The following PANX2 variants were observed in gnomAD, a reference collection of about 807,000 sequenced individuals.
PANX2 encodes the protein pannexin-2.
PANX2 carries 30 observed loss-of-function variants against 38.7 expected under a neutral mutation model. The ratio of observed to expected loss-of-function variants is 0.78; its 90% CI spans 0.58 to 1.05. The LOEUF (loss-of-function observed/expected upper bound fraction) is 1.05. Ranked by LOEUF, PANX2 falls within the 50% of genes least tolerant of loss-of-function variation. The pLI is 0.00. For missense variants in PANX2, 880 were observed against 979.3 expected, an observed-to-expected ratio of 0.90 and a Z score of 1.35; for synonymous variants, 539 against 472.1, an observed-to-expected ratio of 1.14 and a Z score of -1.84.
rs1375867827 is a variant in PANX2, at chr22:50,170,769, C to T, written c.39C>T (p.Thr13=). 2 of 1,366,054 alleles carry T rather than the reference C, an allele frequency of 1.5e-6. No homozygotes were observed. The highest frequency in any genetic ancestry group is 3.0e-5 in the Admixed American group (1 of 33,062). 84.6% of individuals were successfully genotyped at this position (1,366,054 alleles called of 1,614,324 possible). Residue 13 remains threonine (T), a synonymous_variant, in exon 1 of 3, where the codon ACC becomes ACT. Coordinates refer to ENST00000395842, the MANE Select transcript of PANX2 (RefSeq NM_052839.4). ...TGGAGCAGTCGGCGGACATGGCGAC[C>T]GCGCTGCTGGCGGGAGAGAAGCTGC... The part of the protein sequence containing the change: ...HLLEQSADMA[T]ALLAGEKLRE...
Position 50,178,134 on chromosome 22 carries a change from G to C in PANX2, c.1422G>C (p.Ala474=), listed in dbSNP as rs2063673906. The C allele has an allele frequency of 6.5e-7, 1 of 1,531,226 alleles. No homozygotes were observed. Among genetic ancestry groups the C allele is most frequent in the African/African-American group, 1.4e-5 (1 of 72,048 alleles). 94.9% of individuals were successfully genotyped at this position (1,531,226 alleles called of 1,614,324 possible). Residue 474 remains alanine, a synonymous_variant, in exon 2 of 3, where the codon GCG becomes GCC. Coordinates refer to ENST00000395842, the MANE Select transcript of PANX2 (RefSeq NM_052839.4). The stretch of plus-strand genomic sequence containing the variant: ...AGACGGCCACGGACACGCTGATCGC[G>C]CCGCTGCTGGACCGCTCCGCCCACC... ...RRKTATDTLI[A]PLLDRSAHHY... is the part of the protein sequence containing the mutation.
At chr22:50,176,207 T>C (rs2063660380) in intron 1 of PANX2, among the ~76,000 whole-genome samples, 1 of 152,266 alleles carries the variant, frequency 6.6e-6, no homozygotes. Flanking sequence ...CGTGTCATTG[T>C]CACCTGCAGG....
At chr22:50,172,759 C>T (rs1434886750) in intron 1 of PANX2, among the ~76,000 whole-genome samples, 6 of 147,454 alleles carry the variant, frequency 4.1e-5, no homozygotes, top group Non-Finnish European at 7.5e-5. Flanking sequence ...GACAAAGTCT[C>T]GCTCTGTCAC....
chr22:50,172,347 C>T (rs2147057708), intron 1 of PANX2, among the ~76,000 whole-genome samples: 1 of 152,394 alleles, frequency 6.6e-6, no homozygotes, highest in East Asian at 1.9e-4. Context: ...GTGCTGCCGG[C>T]AATCCTTGGG....
chr22:50,178,025 C>G lies in PANX2; in HGVS notation c.1313C>G (p.Pro438Arg), dbSNP rs866061303. The G allele has an allele frequency of 6.5e-7, 1 of 1,548,092 alleles. No individual in the cohort carries two copies. Residue 438 changes from proline (P) to arginine (R), a missense_variant, in exon 2 of 3, where the codon CCG becomes CGG. By Grantham distance (103) the Pro-to-Arg change is moderately radical. This residue lies in a region of PANX2 where 445 missense variants were observed against 404.3 expected (regional missense o/e 1.10). Coordinates refer to ENST00000395842, the MANE Select transcript of PANX2 (RefSeq NM_052839.4). ...KKMKWIPTSN[P>R]LPQPFKEPLA... ...ATGAAGTGGATCCCCACCAGCAACC[C>G]GCTTCCGCAGCCCTTCAAGGAGCCG...
At position 50,179,333 on chromosome 22, in the gene PANX2, C is replaced by G; in HGVS notation, c.*56C>G. The G allele has an allele frequency of 4.0e-6, 6 of 1,492,826 alleles. No individual in the cohort carries two copies. The highest frequency in any genetic ancestry group is 5.5e-6 in the Non-Finnish European group (6 of 1,086,472). 92.5% of individuals were successfully genotyped at this position (1,492,826 alleles called of 1,614,324 possible). A position where few individuals can be genotyped will look rare whatever the true frequency, so the allele number is the denominator to read the frequency against. Reference sequence around the variant, plus strand: ...CCTCTGCCTGTGTCGTGTGGCCTGGCCAGCCTCCCGGTGGACACCAGCCCT... The same window carrying G: ...CCTCTGCCTGTGTCGTGTGGCCTGGGCAGCCTCCCGGTGGACACCAGCCCT... On this transcript the variant is annotated 3_prime_UTR_variant, in exon 3 of 3. Coordinates refer to ENST00000395842, the MANE Select transcript of PANX2 (RefSeq NM_052839.4).
In PANX2 at chr22:50,178,186, G is replaced by A. The variant is rs764865743; in HGVS notation, c.1474G>A (p.Gly492Ser). 47 of 1,477,542 alleles carry A rather than the reference G, an allele frequency of 3.2e-5. No individual in the cohort carries two copies. The Admixed American group carries it at 5.0e-4, about 16-fold the overall frequency. 91.5% of individuals were successfully genotyped at this position (1,477,542 alleles called of 1,614,324 possible). ...CTACAAGGGCGGAGGGGGCGACCCG[G>A]GCCCCGGCCCCGCCCCTGCCCCCGC... ...HHYKGGGGDP[G>S]PGPAPAPAPP... The change falls in exon 2 of 3, where the codon GGC becomes AGC. Residue 492 changes from glycine (G) to serine (S), a missense_variant. This residue lies in a region of PANX2 where 445 missense variants were observed against 404.3 expected (regional missense o/e 1.10). Transcript: ENST00000395842.
chr22:50,173,338 T>C (rs2063644908), intron 1 of PANX2, among the ~76,000 whole-genome samples: 1 of 152,248 alleles, frequency 6.6e-6, no homozygotes, highest in Non-Finnish European at 1.5e-5. Flanking sequence ...CGGCCCAACT[T>C]TCTTCTTTAA....
At chr22:50,172,264 A>C (rs947354832) in intron 1 of PANX2, among the ~76,000 whole-genome samples, 1 of 152,168 alleles carries the variant, frequency 6.6e-6, no homozygotes, top group Non-Finnish European at 1.5e-5. Flanking sequence ...AAAGTCCAAA[A>C]TCGAGGTGTC....
chr22:50,176,425 G>A (rs979362684), intron 1 of PANX2, among the ~76,000 whole-genome samples: 3 of 152,188 alleles, frequency 2.0e-5, no homozygotes, highest in African/African-American at 7.2e-5. Flanking sequence ...CCTCAAGGGT[G>A]GGCAGAGCCC....
chr22:50,175,828 T>C (rs1053314657), intron 1 of PANX2, among the ~76,000 whole-genome samples: 2 of 152,232 alleles, frequency 1.3e-5, no homozygotes, highest in Non-Finnish European at 2.9e-5. Flanking sequence ...CCTGGGCCCC[T>C]GTGGGGCATC....
intron 1 of PANX2, 137 bp downstream of exon 1, chr22:50,171,093 G>C (rs996416686): frequency 1.6e-5 from 6 of 386,376 alleles, no homozygotes; most frequent in East Asian, 8.4e-5. Context: ...GGCGTCCCAG[G>C]CACCTTCCAC....
intron 1 of PANX2, among the ~76,000 whole-genome samples, chr22:50,174,376 C>T (rs1355966191): frequency 1.3e-5 from 2 of 152,018 alleles, no homozygotes; most frequent in Non-Finnish European, 2.9e-5. Context: ...GCTTTAGCCT[C>T]GGGTCCTGGG....
chr22:50,170,740 C>G lies in PANX2; in HGVS notation c.10C>G (p.Leu4Val), dbSNP rs1159613543. MHH[L>V]LEQSADMATA... ...GCGCCCCCCGCCCCCCATGCACCAC[C>G]TCCTGGAGCAGTCGGCGGACATGGC... The change falls in exon 1 of 3, where the codon CTC becomes GTC. Residue 4 changes from leucine (L) to valine (V), a missense_variant. Transcript: ENST00000395842. 8.0e-7 allele frequency: 1 copy of G among 1,254,544 alleles called. No homozygotes were observed. The highest frequency in any genetic ancestry group is 1.0e-6 in the Non-Finnish European group (1 of 992,834). The allele number at this position is 1,254,544 out of a possible 1,614,324, so 77.7% of individuals were successfully genotyped here.
rs765710871 is a variant in PANX2 at position 50,177,445 on chromosome 22, C to T, written c.733C>T (p.Leu245=). 1.6e-5 allele frequency: 26 copies of T among 1,608,706 alleles called. No individual in the cohort carries two copies. The South Asian group carries it at 2.5e-4, about 16-fold the overall frequency. The change falls in exon 2 of 3, where the codon CTG becomes TTG. Residue 245 remains leucine, a synonymous_variant. Coordinates refer to ENST00000395842, the MANE Select transcript of PANX2 (RefSeq NM_052839.4). Reference sequence around the variant, plus strand: ...GCTGAGCGCCGTGCCCATCTCCTACCTGTGCACCTACTACGCCACGCAGAA... The same window carrying T: ...GCTGAGCGCCGTGCCCATCTCCTACTTGTGCACCTACTACGCCACGCAGAA... The part of the protein sequence containing the change: ...LLLSAVPISY[L]CTYYATQKQN...
chr22:50,175,792 G>C (rs947243932), intron 1 of PANX2, among the ~76,000 whole-genome samples: 1 of 152,266 alleles, frequency 6.6e-6, no homozygotes, highest in Non-Finnish European at 1.5e-5. Flanking sequence ...TTGCTGAGCC[G>C]GGTTCAGGGC....
At chr22:50,171,143 C>T (rs1387693523) in intron 1 of PANX2, among the ~76,000 whole-genome samples, 187 bp downstream of exon 1, 3 of 152,220 alleles carry the variant, frequency 2.0e-5, no homozygotes, top group South Asian at 2.1e-4. Context: ...GTCGCACAGA[C>T]CCCTCGTCTC....
chr22:50,176,015 A>G (rs915896567), intron 1 of PANX2, among the ~76,000 whole-genome samples: 2 of 152,218 alleles, frequency 1.3e-5, no homozygotes, highest in African/African-American at 4.8e-5. Flanking sequence ...GCTGGGAGAC[A>G]AGGCTGAGGC....
chr22:50,173,313 A>G (rs529670894), intron 1 of PANX2, among the ~76,000 whole-genome samples: 1 of 152,208 alleles, frequency 6.6e-6, no homozygotes, highest in East Asian at 1.9e-4. Flanking sequence ...GATTACAGGC[A>G]TGAGCCACCG....
Sources: allele counts gnomAD v4.1 joint callset (sites outside exome capture counted in the v4.1 genomes callset), GRCh38; gene constraint gnomAD v4.1.1; regional missense constraint gnomAD v4.1.1; transcripts MANE v1.5; gene names NCBI Gene and HGNC (gene_info 2026-07-23, HGNC 2026-07-21).